The following BUB1 variants were observed in gnomAD, a reference collection of about 807,000 sequenced individuals.
BUB1 encodes mitotic checkpoint serine/threonine-protein kinase BUB1.
Under a neutral mutation model 135.2 loss-of-function variants are expected in BUB1, and 84 were observed. That is an observed-to-expected ratio of 0.62 (90% confidence interval 0.52 to 0.74). The LOEUF is 0.74. Among genes scored for constraint, BUB1 ranks in the 30% least tolerant of loss-of-function variants. The pLI is 0.00. For missense variants in BUB1, 1,162 were observed against 1,288.3 expected, an observed-to-expected ratio of 0.90 and a Z score of 1.50; for synonymous variants, 403 against 434.4, an observed-to-expected ratio of 0.93 and a Z score of 0.90.
chr2:110,641,546 C>T, intron 21 of BUB1, 82 bp from the exon 22 acceptor site: 21 of 1,555,762 alleles, frequency 1.3e-5, no homozygotes, highest in Non-Finnish European at 1.8e-5. Flanking sequence ...CCCCTGCCCA[C>T]CACTCCACAA....
chr2:110,637,863 TAACA>T lies in BUB1; in HGVS notation c.*97_*100del. ...GGAAATATTCCATGGGATTTATTTT[TAACA>T]AACATTTACATAAACAATAAATGAA... On this transcript the variant is annotated 3_prime_UTR_variant, in exon 25 of 25. Transcript: ENST00000302759. 1.1e-6 allele frequency: 1 copy of T among 871,628 alleles called. No individual in the cohort carries two copies. Among genetic ancestry groups the T allele is most frequent in the Non-Finnish European group, 1.6e-6 (1 of 623,168 alleles). The allele number at this position is 871,628 out of a possible 1,614,324, so 54.0% of individuals were successfully genotyped here. A position where few individuals can be genotyped will look rare whatever the true frequency, so the allele number is the denominator to read the frequency against.
intron 9 of BUB1, 63 bp from the exon 10 acceptor site, chr2:110,661,904 G>A: frequency 6.4e-7 from 1 of 1,557,356 alleles, no homozygotes; most frequent in Non-Finnish European, 8.7e-7. Context: ...CTACTAATCA[G>A]GCATTACATC....
Position 110,655,927 on chromosome 2 carries a change from A to C in BUB1, c.1699-11T>G. 1 of 1,608,990 alleles carries C rather than the reference A, an allele frequency of 6.2e-7. No homozygotes were observed. The highest frequency in any genetic ancestry group is 8.5e-7 in the Non-Finnish European group (1 of 1,176,626). ...ATGAGGCACTTCCTCCTATAACAGA[A>C]GATGAAATGAAAAAAAAGCAGCAAT... On this transcript the variant is annotated splice_polypyrimidine_tract_variant and intron_variant, in intron 15 of 24. Coordinates refer to ENST00000302759, the MANE Select transcript of BUB1 (RefSeq NM_004336.5).
chr2:110,655,971 A>ACCTTTATTG, intron 15 of BUB1, 55 bp from the exon 16 acceptor site: 2 of 1,525,850 alleles, frequency 1.3e-6, no homozygotes, highest in Non-Finnish European at 1.8e-6. Context: ...TTAGTCCATG[A>ACCTTTATTG]AACCTTATTC....
At chr2:110,669,932 T>C (rs1690370982) in intron 5 of BUB1, among the ~76,000 whole-genome samples, 1 of 152,038 alleles carries the variant, frequency 6.6e-6, no homozygotes, top group African/African-American at 2.4e-5. Context: ...GATTAAGTAT[T>C]TTGGTCAATT....
intron 19 of BUB1, among the ~76,000 whole-genome samples, chr2:110,645,585 ATGTGTGTGTGTG>A (rs141013722): frequency 6.8e-6 from 1 of 146,610 alleles, no homozygotes; most frequent in Non-Finnish European, 1.5e-5. Context: ...CGTTACGTGT[ATGTGTGTGTGTG>A]TGTGTGTGTG....
intron 6 of BUB1, 139 bp from the exon 7 acceptor site, chr2:110,667,988 T>C: frequency 1.4e-6 from 1 of 697,652 alleles, no homozygotes; most frequent in South Asian, 2.2e-5. Flanking sequence ...TTTTAAATTA[T>C]GATTAATATC....
chr2:110,639,811 A>G lies in BUB1; in HGVS notation c.2993T>C (p.Met998Thr), dbSNP rs1689454423. Reference protein sequence around the residue: ...YFGVAATVYCMLFGTYMKVKN... With the variant: ...YFGVAATVYCTLFGTYMKVKN... ...CACTTTCATGTAAGTGCCAAAGAGC[A>G]TGCAATATACTGTTGCAGCAACCCC... Residue 998 changes from methionine to threonine, a missense_variant, in exon 24 of 25, where the codon ATG (methionine) becomes ACG (threonine). Physicochemically the swap from Met to Thr is moderately conservative, Grantham distance 81. Coordinates refer to ENST00000302759, the MANE Select transcript of BUB1 (RefSeq NM_004336.5). The G allele has an allele frequency of 1.9e-6, 3 of 1,614,170 alleles. No homozygotes were observed. Among genetic ancestry groups the G allele is most frequent in the Non-Finnish European group, 2.5e-6 (3 of 1,179,998 alleles).
intron 11 of BUB1, 146 bp from the exon 12 acceptor site, chr2:110,658,888 T>C: frequency 2.0e-6 from 2 of 1,011,704 alleles, no homozygotes; most frequent in East Asian, 5.3e-5. Context: ...AGTGCTTTCA[T>C]ATATTTCATT....
chr2:110,669,652 A>G (rs1013973352), intron 5 of BUB1, 99 bp from the exon 6 acceptor site: 12 of 719,778 alleles, frequency 1.7e-5, no homozygotes, highest in African/African-American at 1.6e-4. Flanking sequence ...AGTAGGAATC[A>G]TAAGAAGTAA....
chr2:110,651,508 T>A (rs888987914), intron 17 of BUB1, among the ~76,000 whole-genome samples: 4 of 152,220 alleles, frequency 2.6e-5, no homozygotes, highest in Non-Finnish European at 5.9e-5. Flanking sequence ...AAGATAAAAC[T>A]TTTTAAGTTT....
chr2:110,677,663 T>C (rs1227874476), intron 1 of BUB1, among the ~76,000 whole-genome samples: 1 of 152,174 alleles, frequency 6.6e-6, no homozygotes, highest in Non-Finnish European at 1.5e-5. Flanking sequence ...TTTGTTAGGT[T>C]GAACTGTCAG....
intron 11 of BUB1, among the ~76,000 whole-genome samples, chr2:110,659,220 A>C (rs1161973926): frequency 6.6e-6 from 1 of 152,120 alleles, no homozygotes; most frequent in Non-Finnish European, 1.5e-5. Flanking sequence ...TGCTTAGAAT[A>C]TATCAGAGAT....
chr2:110,639,767 A>G lies in BUB1; in HGVS notation c.3037T>C (p.Cys1013Arg). 1.2e-6 allele frequency: 2 copies of G among 1,613,304 alleles called. No homozygotes were observed. The highest frequency in any genetic ancestry group is 1.7e-6 in the Non-Finnish European group (2 of 1,179,688). ...YMKVKNEGGE[C>R]KPEGLFRRLP... ...CTTCTAAAAAGACCTTCAGGCTTAC[A>G]CTCTCCTCCTTCATTTTTCACTTTC... The change falls in exon 24 of 25, where the codon TGT becomes CGT. Residue 1013 changes from cysteine (C) to arginine (R), a missense_variant. Physicochemically the swap from Cys to Arg is radical, Grantham distance 180 (BLOSUM62 -3). Coordinates refer to ENST00000302759, the MANE Select transcript of BUB1 (RefSeq NM_004336.5).
chr2:110,651,972 G>A lies in BUB1; in HGVS notation c.1965-1188C>T, dbSNP rs577202501. Among the ~76,000 whole-genome samples the A allele has an allele frequency of 6.6e-5, 10 of 151,976 alleles. No homozygotes were observed. The South Asian group carries it at 2.1e-3, about 32-fold the overall frequency. On this transcript the variant is annotated intron_variant, in intron 17 of 24. Transcript: ENST00000302759. ...CTGATGTTCATGTAACAATGAAACT[G>A]CCTAAAGACACATTTCTCAGAAAGT...
chr2:110,637,782 A>G lies in BUB1; in HGVS notation c.*182T>C, dbSNP rs1360193286. The G allele has an allele frequency of 6.8e-6, 3 of 444,186 alleles. No individual in the cohort carries two copies. Among genetic ancestry groups the G allele is most frequent in the Non-Finnish European group, 7.6e-6 (2 of 264,634 alleles). 27.5% of individuals were successfully genotyped at this position (444,186 alleles called of 1,614,324 possible). ...AAGCAGCCCAATCAGCCTGCTATAT[A>G]GGGACCTTATGGGGTTGTATATTTT... On this transcript the variant is annotated 3_prime_UTR_variant, in exon 25 of 25. Coordinates refer to ENST00000302759, the MANE Select transcript of BUB1 (RefSeq NM_004336.5).
chr2:110,647,840 C>T (rs1202944527), intron 19 of BUB1, among the ~76,000 whole-genome samples: 1 of 152,096 alleles, frequency 6.6e-6, no homozygotes, highest in African/African-American at 2.4e-5. Context: ...AAACTTCAAA[C>T]AAGATTGAGA....
Position 110,658,686 on chromosome 2 carries a change from A to T in BUB1, c.1333T>A (p.Ser445Thr). 1 of 1,614,166 alleles carries T rather than the reference A, an allele frequency of 6.2e-7. No individual in the cohort carries two copies. Among genetic ancestry groups the T allele is most frequent in the South Asian group, 1.1e-5 (1 of 91,080 alleles). Residue 445 changes from serine (S) to threonine (T), a missense_variant, in exon 12 of 25, where the codon TCA becomes ACA. By Grantham distance (58) the Ser-to-Thr change is moderately conservative. Transcript: ENST00000302759. ...GGCGTTGCCTGAACCATTCCCAGTG[A>T]TGTGTTTGGAGTTGTGTGAAAAGAA... is the stretch of plus-strand genomic sequence containing the variant. ...TSSFHTTPNT[S>T]LGMVQATPSK...
intron 13 of BUB1, among the ~76,000 whole-genome samples, chr2:110,658,191 C>T (rs76351281): frequency 0.028 from 4,315 of 151,796 alleles, 99 homozygotes; most frequent in Non-Finnish European, 0.037. Flanking sequence ...TTTTGTCCTT[C>T]TTTAGCACTA....
Sources: allele counts gnomAD v4.1 joint callset (sites outside exome capture counted in the v4.1 genomes callset), GRCh38; gene constraint gnomAD v4.1.1; transcripts MANE v1.5; gene names NCBI Gene and HGNC (gene_info 2026-07-23, HGNC 2026-07-21).